Variants in CNTN6 observed in about 807,000 individuals in gnomAD.
CNTN6 encodes contactin 6, also known as contactin-6.
Under a neutral mutation model 122.8 loss-of-function variants are expected in CNTN6, and 137 were observed. The ratio of observed to expected loss-of-function variants is 1.12; its 90% CI spans 0.97 to 1.29. The LOEUF (loss-of-function observed/expected upper bound fraction) is 1.29. Ranked by LOEUF, CNTN6 falls within the 50% of genes most tolerant of loss-of-function variation. CNTN6 has a pLI of 0.00. For missense variants in CNTN6, 1,634 were observed against 1,223.4 expected, an observed-to-expected ratio of 1.34 and a Z score of -5.01; for synonymous variants, 570 against 426.0, an observed-to-expected ratio of 1.34 and a Z score of -4.16.
chr3:1,245,322 A>ATG (rs1217644485), intron 4 of CNTN6, among the ~76,000 whole-genome samples: 2 of 53,604 alleles, frequency 3.7e-5, no homozygotes, highest in Non-Finnish European at 7.1e-5. Context: ...ATATATATAT[A>ATG]TATATATATA....
At chr3:1,180,213 AAGAG>A (rs983486840) in intron 2 of CNTN6, among the ~76,000 whole-genome samples, 3 of 152,166 alleles carry the variant, frequency 2.0e-5, no homozygotes, top group South Asian at 4.1e-4. Context: ...GAGAAGGAGA[AAGAG>A]AGAGAGAGAC....
intron 2 of CNTN6, among the ~76,000 whole-genome samples, chr3:1,153,821 A>G (rs1035032723): frequency 2.0e-5 from 3 of 152,204 alleles, no homozygotes; most frequent in Non-Finnish European, 4.4e-5. Context: ...CACACAGCAA[A>G]TCCATGAAAA....
intron 4 of CNTN6, among the ~76,000 whole-genome samples, chr3:1,272,098 T>C (rs2095036945): frequency 6.6e-6 from 1 of 152,196 alleles, no homozygotes; most frequent in Admixed American, 6.5e-5. Context: ...CTGTCTTGCC[T>C]GCCGCCATGT....
intron 17 of CNTN6, among the ~76,000 whole-genome samples, chr3:1,380,396 T>G (rs1456441102): frequency 6.6e-6 from 1 of 152,204 alleles, no homozygotes; most frequent in Admixed American, 6.5e-5. Context: ...AGACATAATA[T>G]CAAATTTTTA....
intron 11 of CNTN6, among the ~76,000 whole-genome samples, chr3:1,332,530 G>T (rs1165701991): frequency 4.9e-5 from 5 of 102,168 alleles, no homozygotes; most frequent in South Asian, 3.8e-4. Context: ...AAGGAAGGAA[G>T]GAGGGAGGGA....
At chr3:1,255,279 G>C (rs573734638) in intron 4 of CNTN6, among the ~76,000 whole-genome samples, 1 of 152,262 alleles carries the variant, frequency 6.6e-6, no homozygotes, top group African/African-American at 2.4e-5. Context: ...TAGGGTACAG[G>C]AAGGTGAAAA....
At chr3:1,313,673 A>G (rs989848504) in intron 7 of CNTN6, among the ~76,000 whole-genome samples, 1 of 152,078 alleles carries the variant, frequency 6.6e-6, no homozygotes, top group African/African-American at 2.4e-5. Context: ...TGTCCTCCCC[A>G]AGGGAAAGCT....
intron 1 of CNTN6, among the ~76,000 whole-genome samples, chr3:1,121,732 G>A (rs1214416412): frequency 1.3e-5 from 2 of 151,736 alleles, no homozygotes; most frequent in Non-Finnish European, 2.9e-5. Context: ...TAATGACTAC[G>A]AAGTAGTCTA....
At chr3:1,341,264 GTCTTT>G (rs556158024) in intron 11 of CNTN6, among the ~76,000 whole-genome samples, 254 of 151,160 alleles carry the variant, frequency 1.7e-3, no homozygotes, top group African/African-American at 5.7e-3. Flanking sequence ...ATACTTTCTA[GTCTTT>G]TCTTTTGATT....
chr3:1,201,082 T>G (rs1197872647), intron 2 of CNTN6, among the ~76,000 whole-genome samples: 1 of 149,956 alleles, frequency 6.7e-6, no homozygotes, highest in African/African-American at 2.5e-5. Context: ...CAGGCACCAC[T>G]GTGCCCAGCT....
At chr3:1,188,869 G>T (rs2093663092) in intron 2 of CNTN6, among the ~76,000 whole-genome samples, 1 of 152,060 alleles carries the variant, frequency 6.6e-6, no homozygotes. Context: ...CCAATTCCCT[G>T]GTGTTTAGGG....
chr3:1,290,973 T>G (rs1695223148), intron 5 of CNTN6, among the ~76,000 whole-genome samples: 1 of 152,142 alleles, frequency 6.6e-6, no homozygotes, highest in Non-Finnish European at 1.5e-5. Context: ...TGCCTTAACT[T>G]TCTGCAAATA....
Position 1,155,295 on chromosome 3 carries a change from G to A in CNTN6, c.55+7232G>A, listed in dbSNP as rs531062301. On this transcript the variant is annotated intron_variant, in intron 2 of 22. Coordinates refer to ENST00000446702, the MANE Select transcript of CNTN6 (RefSeq NM_001289080.2). ...ACTGATGCCTAGTACAGTGCCTGAC[G>A]CATGGTACGCACTCAATAAATATTT... Among the ~76,000 whole-genome samples the A allele has an allele frequency of 1.5e-3, 222 of 152,266 alleles. 1 individual carries two copies. The highest frequency in any genetic ancestry group is 5.0e-3 in the African/African-American group (208 of 41,540).
At chr3:1,222,541 A>T (rs1045664746) in intron 3 of CNTN6, among the ~76,000 whole-genome samples, 1 of 147,454 alleles carries the variant, frequency 6.8e-6, no homozygotes, top group East Asian at 2.0e-4. Flanking sequence ...GGTTCTCAAG[A>T]TAATTTGCTA....
intron 4 of CNTN6, among the ~76,000 whole-genome samples, chr3:1,277,346 CTTTTTTTTTT>C (rs10599744): frequency 5.0e-5 from 4 of 80,190 alleles, no homozygotes; most frequent in South Asian, 4.1e-4. Flanking sequence ...AGTAGGTTTT[CTTTTTTTTTT>C]TTTTTTTTTT....
chr3:1,093,256 G>T, intron 1 of CNTN6, 136 bp downstream of exon 1: 1 of 174,574 alleles, frequency 5.7e-6, no homozygotes, highest in Admixed American at 5.6e-5. Context: ...AGAAGTCACT[G>T]CTTTATTGAT....
In CNTN6 at chr3:1,099,329, T is replaced by C. The variant is rs536998586; in HGVS notation, c.-83+6209T>C. Among the ~76,000 whole-genome samples, 765 of 151,888 alleles carry C rather than the reference T, an allele frequency of 5.0e-3. 9 individuals carry two copies. Among genetic ancestry groups the C allele is most frequent in the African/African-American group, 0.013 (527 of 41,488 alleles). ...AGCAGGGTGTGGTGGCGGGCGCCTG[T>C]AGTCCCAGCTACTGGGGAGGCTGAG... On this transcript the variant is annotated intron_variant, in intron 1 of 22. Transcript: ENST00000446702.
chr3:1,263,498 G>A (rs1046342044), intron 4 of CNTN6, among the ~76,000 whole-genome samples: 6 of 152,040 alleles, frequency 3.9e-5, no homozygotes, highest in Middle Eastern at 3.2e-3. Context: ...GAGTTCATTC[G>A]GGGCCGTTTT....
intron 7 of CNTN6, among the ~76,000 whole-genome samples, chr3:1,308,768 A>C (rs1698763858): frequency 6.7e-6 from 1 of 150,212 alleles, no homozygotes; most frequent in Admixed American, 6.6e-5. Context: ...GATTTCTCTT[A>C]ATCTACACCA....
Sources: gnomAD v4.1 joint callset for allele counts (sites outside exome capture counted in the v4.1 genomes callset) on GRCh38, gnomAD v4.1.1 for gene constraint, MANE v1.5 for transcripts, NCBI Gene and HGNC (gene_info 2026-07-23, HGNC 2026-07-21) for gene names.